The following RETREG1 variants were observed in gnomAD, a reference collection of about 807,000 sequenced individuals.
The protein encoded by RETREG1 is reticulophagy regulator 1.
RETREG1 carries 44 observed loss-of-function variants against 54.8 expected under a neutral mutation model. The ratio of observed to expected loss-of-function variants is 0.80; its 90% confidence interval spans 0.63 to 1.03. RETREG1 has a LOEUF of 1.03. RETREG1 is among the 50% of genes least tolerant of loss of function. The pLI, the probability that RETREG1 is intolerant of heterozygous loss-of-function variation, is 0.00. For synonymous variants in RETREG1, 217 were observed against 238.5 expected (o/e 0.91, Z 0.83); for missense variants, 554 against 605.1 (o/e 0.92, Z 0.89).
In RETREG1 at chr5:16,529,705, C is replaced by T. The variant is rs374644789; in HGVS notation, c.458+36058G>A. Reference sequence around the variant, plus strand: ...CCTTACTTGAGTTCTTAGCTATATCCGCTGGTTTGGTTAATTTTTTTACAT... The same window carrying T: ...CCTTACTTGAGTTCTTAGCTATATCTGCTGGTTTGGTTAATTTTTTTACAT... On this transcript the variant is annotated intron_variant, in intron 3 of 8. Coordinates refer to ENST00000306320, the MANE Select transcript of RETREG1 (RefSeq NM_001034850.3). 5.9e-5 allele frequency among the ~76,000 whole-genome samples: 9 copies of T among 152,052 alleles called. No homozygotes were observed. The East Asian group carries it at 7.7e-4, about 13-fold the overall frequency.
At chr5:16,616,621 C>T in intron 1 of RETREG1, 31 bp downstream of exon 1, 1 of 1,564,498 alleles carries the variant, frequency 6.4e-7, no homozygotes, top group Non-Finnish European at 8.6e-7. Context: ...ACCTGCCCTC[C>T]TCAGCGCCCC....
intron 1 of RETREG1, among the ~76,000 whole-genome samples, chr5:16,612,474 T>G (rs1405050984): frequency 3.9e-5 from 6 of 152,262 alleles, no homozygotes; most frequent in Non-Finnish European, 8.8e-5. Context: ...TGTTTACCCT[T>G]CTGTACATTT....
intron 3 of RETREG1, among the ~76,000 whole-genome samples, chr5:16,502,052 G>A (rs1739741161): frequency 2.0e-5 from 3 of 150,364 alleles, no homozygotes; most frequent in South Asian, 4.2e-4. Context: ...CGCCTCCTGG[G>A]TTCACACCAT....
intron 3 of RETREG1, among the ~76,000 whole-genome samples, chr5:16,549,201 A>G (rs947637914): frequency 1.4e-4 from 21 of 152,234 alleles, no homozygotes; most frequent in Admixed American, 1.3e-4. Flanking sequence ...AACCAGCTTG[A>G]GGAAATTCAT....
Position 16,478,987 on chromosome 5 carries a change from A to C in RETREG1, c.671T>G (p.Leu224Ter). Residue 224 changes from leucine (L) to a stop codon, truncating the protein, a stop_gained and splice_region_variant, in exon 6 of 9, where the codon TTA becomes TGA. Transcript: ENST00000306320. LOFTEE classifies it high-confidence loss of function. Reference sequence around the variant, plus strand: ...CAATGGACACAAAAATGCACACAGTACTGAAAGAAGAAAGAGAGCAGAGGT... The same window carrying C: ...CAATGGACACAAAAATGCACACAGTCCTGAAAGAAGAAAGAGAGCAGAGGT... ...IPGVILSYLLLLCAFLCPLFK... is the reference protein window; with the variant it reads ...IPGVILSYLL 2 of 1,611,664 alleles carry C rather than the reference A, an allele frequency of 1.2e-6. No homozygotes were observed. The highest frequency in any genetic ancestry group is 1.7e-6 in the Non-Finnish European group (2 of 1,178,636).
At chr5:16,565,659 A>C (rs1741984654) in intron 3 of RETREG1, 104 bp downstream of exon 3, 1 of 1,227,152 alleles carries the variant, frequency 8.1e-7, no homozygotes, top group Non-Finnish European at 1.2e-6. Context: ...TCTTGGATTT[A>C]GATTCCTGTC....
chr5:16,579,588 A>C (rs1742428738), intron 1 of RETREG1, among the ~76,000 whole-genome samples: 1 of 152,158 alleles, frequency 6.6e-6, no homozygotes, highest in Non-Finnish European at 1.5e-5. Flanking sequence ...CTGGCCGTAA[A>C]AGTCCCCTGT....
intron 3 of RETREG1, among the ~76,000 whole-genome samples, chr5:16,533,499 T>C (rs1372228017): frequency 1.3e-5 from 2 of 152,158 alleles, no homozygotes; most frequent in Non-Finnish European, 2.9e-5. Context: ...CCTAGTAGTC[T>C]CCTGGCTTAA....
intron 3 of RETREG1, among the ~76,000 whole-genome samples, chr5:16,548,821 G>A (rs1741455835): frequency 6.6e-6 from 1 of 152,192 alleles, no homozygotes; most frequent in Admixed American, 6.5e-5. Context: ...GGGTGGTGAG[G>A]GGAGCGTGAG....
intron 3 of RETREG1, among the ~76,000 whole-genome samples, chr5:16,486,226 T>C (rs1739015034): frequency 6.6e-6 from 1 of 152,158 alleles, no homozygotes; most frequent in Admixed American, 6.5e-5. Context: ...TAAAAATAAA[T>C]GTTCAGATTG....
intron 3 of RETREG1, among the ~76,000 whole-genome samples, chr5:16,542,140 A>T (rs1003886842): frequency 6.6e-6 from 1 of 152,212 alleles, no homozygotes; most frequent in Non-Finnish European, 1.5e-5. Context: ...GATGCAGAAC[A>T]TTTCCAACAG....
At chr5:16,475,821 C>T (rs1176276589) in intron 8 of RETREG1, among the ~76,000 whole-genome samples, 43 of 152,178 alleles carry the variant, frequency 2.8e-4, no homozygotes, top group Admixed American at 2.8e-3. Flanking sequence ...ATAGCTGAAA[C>T]TGACCATACC....
chr5:16,545,377 G>C lies in RETREG1; in HGVS notation c.458+20386C>G, dbSNP rs549071951. ...GAGGTGAAGCCCATTGGTGTTAGAG[G>C]GGGAGAGAGGCAGGAGTGAAACCCA... On this transcript the variant is annotated intron_variant, in intron 3 of 8. Coordinates refer to ENST00000306320, the MANE Select transcript of RETREG1 (RefSeq NM_001034850.3). Among the ~76,000 whole-genome samples the C allele has an allele frequency of 3.2e-4, 48 of 152,254 alleles. No individual in the cohort carries two copies. In the South Asian group the frequency reaches 8.5e-3, roughly 27 times the overall value.
intron 1 of RETREG1, among the ~76,000 whole-genome samples, chr5:16,591,645 A>G (rs1742777907): frequency 6.6e-6 from 1 of 152,224 alleles, no homozygotes; most frequent in African/African-American, 2.4e-5. Flanking sequence ...GTGTGCACAC[A>G]TGAGCAGTAC....
At chr5:16,541,903 T>G (rs984061521) in intron 3 of RETREG1, among the ~76,000 whole-genome samples, 1 of 152,170 alleles carries the variant, frequency 6.6e-6, no homozygotes, top group Non-Finnish European at 1.5e-5. Flanking sequence ...ACAAGAGGTT[T>G]TAGTCTTGTT....
At chr5:16,484,433 C>T (rs889421781) in intron 3 of RETREG1, among the ~76,000 whole-genome samples, 1 of 152,106 alleles carries the variant, frequency 6.6e-6, no homozygotes, top group Non-Finnish European at 1.5e-5. Flanking sequence ...GAAGGCACTG[C>T]CACAGAGCTA....
At chr5:16,574,514 G>A (rs369587475) in intron 1 of RETREG1, among the ~76,000 whole-genome samples, 13 of 152,170 alleles carry the variant, frequency 8.5e-5, no homozygotes, top group African/African-American at 2.7e-4. Flanking sequence ...GACGTGGTGG[G>A]TAGAGCCCTC....
At chr5:16,577,288 TG>T (rs1209855245) in intron 1 of RETREG1, among the ~76,000 whole-genome samples, 5 of 124,846 alleles carry the variant, frequency 4.0e-5, no homozygotes, top group African/African-American at 6.2e-5. Context: ...GACTTAGGTT[TG>T]TTTTTTTTTT....
intron 3 of RETREG1, among the ~76,000 whole-genome samples, chr5:16,548,895 A>T (rs1579673351): frequency 1.3e-5 from 2 of 152,250 alleles, no homozygotes; most frequent in African/African-American, 4.8e-5. Context: ...AATCTATGGT[A>T]TTCTGTTACG....
Sources: gnomAD v4.1 joint callset for allele counts (sites outside exome capture counted in the v4.1 genomes callset) on GRCh38, gnomAD v4.1.1 for gene constraint, MANE v1.5 for transcripts, NCBI Gene and HGNC (gene_info 2026-07-23, HGNC 2026-07-21) for gene names.